Variants in PAK1 observed in about 807,000 individuals in gnomAD.
PAK1 encodes the protein serine/threonine-protein kinase PAK 1.
In PAK1, 29 loss-of-function variants were observed where a neutral mutation model predicts 67.4. That is an observed-to-expected ratio of 0.43 (90% confidence interval 0.32 to 0.59). PAK1 has a LOEUF of 0.59. PAK1 is among the 20% of genes least tolerant of loss of function. The pLI, the probability that PAK1 is intolerant of heterozygous loss-of-function variation, is 0.07. For synonymous variants in PAK1, 223 were observed against 237.4 expected (o/e 0.94, Z 0.56); for missense variants, 337 against 670.7 (o/e 0.50, Z 5.50).
At chr11:77,468,808 C>A (rs1297847410) in intron 1 of PAK1, among the ~76,000 whole-genome samples, 2 of 152,132 alleles carry the variant, frequency 1.3e-5, no homozygotes, top group Non-Finnish European at 2.9e-5. Flanking sequence ...TAAAGTACTA[C>A]ACTTAGAATT....
intron 1 of PAK1, among the ~76,000 whole-genome samples, chr11:77,445,886 T>C (rs1565708501): frequency 6.6e-6 from 1 of 152,226 alleles, no homozygotes; most frequent in Non-Finnish European, 1.5e-5. Context: ...TATTAGTTAT[T>C]GATTTACAGG....
intron 10 of PAK1, 136 bp downstream of exon 10, chr11:77,343,683 T>C (rs1943980267): frequency 4.6e-6 from 3 of 656,496 alleles, no homozygotes; most frequent in South Asian, 3.6e-5. Flanking sequence ...CAGGGTCACA[T>C]ACAGAGAGCT....
intron 1 of PAK1, chr11:77,456,024 C>A (rs1957064300): frequency 6.6e-6 from 1 of 152,092 alleles, no homozygotes; most frequent in Non-Finnish European, 1.5e-5. Flanking sequence ...TCTCTTGCCA[C>A]CAAAGACTGC....
chr11:77,411,150 A>T (rs1256116744), intron 1 of PAK1, among the ~76,000 whole-genome samples: 4 of 152,004 alleles, frequency 2.6e-5, no homozygotes, highest in African/African-American at 7.2e-5. Context: ...GCTGGAAGAC[A>T]GGATACCAAG....
the PAK1 span, among the ~76,000 whole-genome samples, chr11:77,509,488 G>A: frequency 3.9e-5 from 6 of 152,142 alleles, no homozygotes; most frequent in Non-Finnish European, 7.3e-5. Context: ...TAGGAAATTT[G>A]TCTCCCAGGC....
intron 1 of PAK1, among the ~76,000 whole-genome samples, chr11:77,440,939 G>T (rs1438952116): frequency 6.6e-6 from 1 of 152,124 alleles, no homozygotes; most frequent in Non-Finnish European, 1.5e-5. Flanking sequence ...AGATGGGCTT[G>T]GGGATCCATA....
intron 5 of PAK1, among the ~76,000 whole-genome samples, chr11:77,365,270 A>AAAAAAAAAAAAAAAG (rs1947375922): frequency 8.2e-5 from 9 of 109,478 alleles, no homozygotes; most frequent in African/African-American, 1.7e-4. Flanking sequence ...AAAAAAAAAG[A>AAAAAAAAAAAAAAAG]AAAAAGAAAA....
the PAK1 span, among the ~76,000 whole-genome samples, chr11:77,485,517 C>T: frequency 1.4e-4 from 22 of 152,076 alleles, no homozygotes; most frequent in African/African-American, 5.1e-4. Context: ...CACTTGTTGC[C>T]CAGGCTGGAG....
intron 5 of PAK1, among the ~76,000 whole-genome samples, chr11:77,360,666 G>A (rs569361399): frequency 2.0e-5 from 3 of 152,288 alleles, no homozygotes; most frequent in African/African-American, 7.2e-5. Context: ...AAAAGATTCT[G>A]TTTTCCATAG....
At chr11:77,374,444 T>G in intron 4 of PAK1, 79 bp from the exon 5 acceptor site, 1 of 881,268 alleles carries the variant, frequency 1.1e-6, no homozygotes, top group East Asian at 2.4e-5. Context: ...GAAGTCTATC[T>G]GGTCAAGCAC....
At chr11:77,370,472 T>C (rs1209839006) in intron 5 of PAK1, among the ~76,000 whole-genome samples, 2 of 152,222 alleles carry the variant, frequency 1.3e-5, no homozygotes, top group Admixed American at 6.5e-5. Flanking sequence ...GTTTCAAAGG[T>C]AGAATTAAAT....
At chr11:77,481,847 G>C in the PAK1 span, among the ~76,000 whole-genome samples, 2 of 152,052 alleles carry the variant, frequency 1.3e-5, no homozygotes, top group African/African-American at 4.8e-5. Flanking sequence ...CTTGAGTGTG[G>C]GGAGTTTGTT....
chr11:77,459,244 A>G (rs1957212949), intron 1 of PAK1, among the ~76,000 whole-genome samples: 1 of 152,246 alleles, frequency 6.6e-6, no homozygotes, highest in Admixed American at 6.5e-5. Context: ...TGGGAAGAAC[A>G]GTGACAGGAT....
chr11:77,411,145 A>G (rs1473959353), intron 1 of PAK1, among the ~76,000 whole-genome samples: 1 of 151,704 alleles, frequency 6.6e-6, no homozygotes, highest in African/African-American at 2.4e-5. Flanking sequence ...GGCTGGCTGG[A>G]AGACAGGATA....
intron 10 of PAK1, among the ~76,000 whole-genome samples, chr11:77,343,337 A>G (rs1943925430): frequency 6.6e-6 from 1 of 152,158 alleles, no homozygotes; most frequent in Non-Finnish European, 1.5e-5. Flanking sequence ...AACCTAAAAG[A>G]TAAAACAAGA....
rs564631495 is a variant in PAK1, at chr11:77,468,255, T to C, written c.-22+5297A>G. Among the ~76,000 whole-genome samples, 6 of 152,178 alleles carry C rather than the reference T, an allele frequency of 3.9e-5. No individual in the cohort carries two copies. The East Asian group carries it at 7.7e-4, about 20-fold the overall frequency. ...GACTCCAGGAACAAAAGCCAAGACA[T>C]AATGGACTTAAGAATTAGATGAATT... On this transcript the variant is annotated intron_variant, in intron 1 of 14. Coordinates refer to ENST00000356341, the MANE Select transcript of PAK1 (RefSeq NM_002576.5).
At chr11:77,450,475 A>C (rs1372728198) in intron 1 of PAK1, among the ~76,000 whole-genome samples, 1 of 152,148 alleles carries the variant, frequency 6.6e-6, no homozygotes, top group Admixed American at 6.5e-5. Context: ...AAAACCCAAG[A>C]CCTGAAATCC....
intron 10 of PAK1, among the ~76,000 whole-genome samples, chr11:77,341,103 C>A (rs1000652585): frequency 1.3e-5 from 2 of 152,122 alleles, no homozygotes; most frequent in Non-Finnish European, 2.9e-5. Flanking sequence ...GATTCCCACA[C>A]CTCTAGAAGC....
chr11:77,344,141 TA>T (rs1944050695), intron 9 of PAK1, among the ~76,000 whole-genome samples: 1 of 152,112 alleles, frequency 6.6e-6, no homozygotes, highest in Non-Finnish European at 1.5e-5. Flanking sequence ...TTGTTGGAAA[TA>T]AAAACCTCGG....
Sources: gnomAD v4.1 joint callset for allele counts (sites outside exome capture counted in the v4.1 genomes callset) on GRCh38, gnomAD v4.1.1 for gene constraint, MANE v1.5 for transcripts, NCBI Gene and HGNC (gene_info 2026-07-23, HGNC 2026-07-21) for gene names.